Variants in CNTNAP2 observed in about 807,000 individuals in gnomAD.
CNTNAP2 encodes contactin associated protein 2, also known as contactin-associated protein-like 2.
A neutral mutation model predicts 155.2 loss-of-function variants in CNTNAP2; 98 were observed. The observed-to-expected ratio is 0.63, with a 90% CI of 0.54 to 0.75. CNTNAP2 has a LOEUF of 0.75. Among genes scored for constraint, CNTNAP2 ranks in the 30% least tolerant of loss-of-function variants. CNTNAP2 has a pLI of 0.00. For missense variants in CNTNAP2, 1,727 were observed against 1,688.1 expected, an observed-to-expected ratio of 1.02 and a Z score of -0.40; for synonymous variants, 651 against 631.2, an observed-to-expected ratio of 1.03 and a Z score of -0.47.
chr7:147,475,070 G>A (rs939684352), intron 10 of CNTNAP2, among the ~76,000 whole-genome samples: 1 of 152,130 alleles, frequency 6.6e-6, no homozygotes, highest in Admixed American at 6.5e-5. Flanking sequence ...ATAGATCTGC[G>A]TTGTCTTTTT....
intron 5 of CNTNAP2, among the ~76,000 whole-genome samples, chr7:147,116,797 A>C (rs1382149494): frequency 1.3e-5 from 2 of 152,150 alleles, no homozygotes; most frequent in African/African-American, 4.8e-5. Flanking sequence ...GGTCCCACCC[A>C]GTAGGAAGAA....
At chr7:146,968,715 G>A (rs1484145125) in intron 3 of CNTNAP2, among the ~76,000 whole-genome samples, 1 of 151,672 alleles carries the variant, frequency 6.6e-6, no homozygotes, top group East Asian at 1.9e-4. Context: ...TTCTTTATTA[G>A]TCTTGCTAGC....
intron 1 of CNTNAP2, among the ~76,000 whole-genome samples, chr7:146,667,514 C>T (rs551358970): frequency 5.9e-5 from 9 of 151,478 alleles, no homozygotes; most frequent in Admixed American, 2.0e-4. Context: ...TGTGGAGTGT[C>T]GTTTGTATTT....
chr7:146,890,470 G>A (rs1250900434), intron 3 of CNTNAP2, among the ~76,000 whole-genome samples: 1 of 152,094 alleles, frequency 6.6e-6, no homozygotes, highest in Non-Finnish European at 1.5e-5. Flanking sequence ...AAATTTTCCT[G>A]TCAGCTACTG....
At chr7:146,553,483 G>A (rs1798151040) in intron 1 of CNTNAP2, among the ~76,000 whole-genome samples, 2 of 151,962 alleles carry the variant, frequency 1.3e-5, no homozygotes, top group South Asian at 4.2e-4. Flanking sequence ...ATAGATAAGT[G>A]TTTTTCCTAT....
At position 148,419,166 on chromosome 7, in the gene CNTNAP2, C is replaced by T. The variant is rs925988900; in HGVS notation, c.*3550C>T. The stretch of plus-strand genomic sequence containing the variant: ...TCTTACGCAGTAAACGTTTTAATGG[C>T]CCGTTTATGTCTCATGCCTCCAAAC... On this transcript the variant is annotated 3_prime_UTR_variant, in exon 24 of 24. Coordinates refer to ENST00000361727, the MANE Select transcript of CNTNAP2 (RefSeq NM_014141.6). 1 of 152,184 alleles carries T rather than the reference C, an allele frequency of 6.6e-6. No homozygotes were observed. Among genetic ancestry groups the T allele is most frequent in the Non-Finnish European group, 1.5e-5 (1 of 68,044 alleles). The allele number at this position is 152,184 out of a possible 1,614,324, so 9.4% of individuals were successfully genotyped here.
chr7:147,042,541 G>A (rs1799279828), intron 3 of CNTNAP2, among the ~76,000 whole-genome samples: 1 of 151,946 alleles, frequency 6.6e-6, no homozygotes, highest in African/African-American at 2.4e-5. Flanking sequence ...AAGCTACTCT[G>A]TATTTTTTTT....
At chr7:146,810,993 T>C (rs977733613) in intron 2 of CNTNAP2, among the ~76,000 whole-genome samples, 1 of 152,204 alleles carries the variant, frequency 6.6e-6, no homozygotes, top group Non-Finnish European at 1.5e-5. Context: ...TTCCAGTTGA[T>C]CACAGTGTAG....
intron 2 of CNTNAP2, among the ~76,000 whole-genome samples, chr7:146,801,809 G>A (rs1802883886): frequency 6.6e-6 from 1 of 152,148 alleles, no homozygotes; most frequent in African/African-American, 2.4e-5. Flanking sequence ...CAGATACGGT[G>A]AATTTTAAAT....
intron 13 of CNTNAP2, among the ~76,000 whole-genome samples, chr7:147,731,941 T>G (rs1285316281): frequency 6.6e-6 from 1 of 152,146 alleles, no homozygotes; most frequent in Admixed American, 6.6e-5. Flanking sequence ...TAGAATTAAA[T>G]TTTGAGCCTG....
intron 3 of CNTNAP2, among the ~76,000 whole-genome samples, chr7:146,873,293 G>T (rs915417303): frequency 6.6e-6 from 1 of 152,164 alleles, no homozygotes; most frequent in African/African-American, 2.4e-5. Context: ...GAAGCACATA[G>T]AGGAGGAGCT....
chr7:147,319,550 G>C (rs891823542), intron 9 of CNTNAP2, among the ~76,000 whole-genome samples: 1 of 151,922 alleles, frequency 6.6e-6, no homozygotes, highest in Non-Finnish European at 1.5e-5. Context: ...GTTAATTTTT[G>C]TAATTTTAGT....
intron 4 of CNTNAP2, among the ~76,000 whole-genome samples, chr7:147,079,864 GACTT>G (rs953532461): frequency 6.6e-6 from 1 of 152,084 alleles, no homozygotes; most frequent in Non-Finnish European, 1.5e-5. Context: ...TAAGCCGCGA[GACTT>G]ACTGTCATGT....
At chr7:146,585,196 A>C (rs1196371046) in intron 1 of CNTNAP2, among the ~76,000 whole-genome samples, 1 of 152,068 alleles carries the variant, frequency 6.6e-6, no homozygotes, top group Non-Finnish European at 1.5e-5. Flanking sequence ...ATCTCGGCTC[A>C]CTGCAACCTC....
intron 15 of CNTNAP2, among the ~76,000 whole-genome samples, chr7:148,015,720 G>C (rs1458361354): frequency 1.3e-5 from 2 of 152,196 alleles, no homozygotes; most frequent in Admixed American, 6.5e-5. Context: ...GCCAGAGACA[G>C]ATCCTTCTGC....
intron 9 of CNTNAP2, among the ~76,000 whole-genome samples, chr7:147,341,177 T>C (rs911208396): frequency 1.5e-4 from 22 of 151,722 alleles, no homozygotes; most frequent in African/African-American, 5.3e-4. Flanking sequence ...AAAAATTGTA[T>C]GTAGACAAGA....
At chr7:147,911,276 A>C (rs34126004) in intron 14 of CNTNAP2, among the ~76,000 whole-genome samples, 30,894 of 152,220 alleles carry the variant, frequency 0.2, 3,508 homozygotes, top group Middle Eastern at 0.29. Flanking sequence ...GGGAAAGTTA[A>C]GGTTTCACTT....
At chr7:146,574,981 C>T (rs1313620973) in intron 1 of CNTNAP2, among the ~76,000 whole-genome samples, 4 of 152,128 alleles carry the variant, frequency 2.6e-5, no homozygotes, top group African/African-American at 7.2e-5. Flanking sequence ...CTTTTTCCCC[C>T]TCTTGTTTCC....
At chr7:148,104,776 A>G (rs1327563899) in intron 15 of CNTNAP2, among the ~76,000 whole-genome samples, 1 of 152,236 alleles carries the variant, frequency 6.6e-6, no homozygotes, top group Non-Finnish European at 1.5e-5. Context: ...GATGACTAGC[A>G]TATCAGATAT....
Sources: allele counts gnomAD v4.1 joint callset (sites outside exome capture counted in the v4.1 genomes callset), GRCh38; gene constraint gnomAD v4.1.1; transcripts MANE v1.5; gene names NCBI Gene and HGNC (gene_info 2026-07-23, HGNC 2026-07-21).